VPS4B: variants seen among roughly 807,000 people sequenced by gnomAD.
VPS4B encodes vacuolar protein sorting-associated protein 4B.
In VPS4B, 23 loss-of-function variants were observed where a neutral mutation model predicts 56.1. That is an observed-to-expected ratio of 0.41 (90% CI 0.30 to 0.58). The LOEUF is 0.58. VPS4B is among the 20% of genes least tolerant of loss of function. The pLI is 0.29. For missense variants in VPS4B, 372 were observed against 531.9 expected, an observed-to-expected ratio of 0.70 and a Z score of 2.96; for synonymous variants, 177 against 186.0, an observed-to-expected ratio of 0.95 and a Z score of 0.39.
At chr18:63,403,582 C>G (rs1915857060) in intron 5 of VPS4B, 125 bp downstream of exon 5, 1 of 1,058,216 alleles carries the variant, frequency 9.4e-7, no homozygotes, top group Non-Finnish European at 1.3e-6. Flanking sequence ...AGATATATCA[C>G]CACCTTTTAA....
rs1916230010 is a variant in VPS4B at position 63,418,898 on chromosome 18, C to G, written c.27+3335G>C. ...TTATTTCCAGCCTAGTCCACTCTCC[C>G]TACTTCTACACATATGTATGCAAAT... On this transcript the variant is annotated intron_variant, in intron 1 of 10. Coordinates refer to ENST00000238497, the MANE Select transcript of VPS4B (RefSeq NM_004869.4). Among the ~76,000 whole-genome samples the G allele has an allele frequency of 3.3e-5, 5 of 152,176 alleles. No homozygotes were observed. In the South Asian group the frequency reaches 1.0e-3, roughly 31 times the overall value.
At chr18:63,421,529 G>A (rs9955737) in intron 1 of VPS4B, among the ~76,000 whole-genome samples, 3,985 of 152,286 alleles carry the variant, frequency 0.026, 169 homozygotes, top group African/African-American at 0.092. Context: ...GGGGATGGGA[G>A]ACACCATTAC....
intron 1 of VPS4B, chr18:63,415,541 G>T: frequency 3.5e-6 from 1 of 289,056 alleles, no homozygotes. Flanking sequence ...TTCAGAGAAT[G>T]GATCTTCAAA....
chr18:63,397,323 C>T, intron 8 of VPS4B, 70 bp from the exon 9 acceptor site: 1 of 1,423,332 alleles, frequency 7.0e-7, no homozygotes, highest in Non-Finnish European at 9.4e-7. Flanking sequence ...GAAACAGATA[C>T]TAAGTTAAGT....
intron 9 of VPS4B, among the ~76,000 whole-genome samples, chr18:63,393,761 G>A (rs1175071401): frequency 2.0e-5 from 3 of 151,548 alleles, no homozygotes; most frequent in African/African-American, 7.3e-5. Flanking sequence ...TTTTTGAAAG[G>A]GCGTCTTGCT....
At position 63,422,251 on chromosome 18, in the gene VPS4B, G is replaced by A. The variant is rs1449383078; in HGVS notation, c.9C>T (p.Ser3=). 2.0e-6 allele frequency: 3 copies of A among 1,512,996 alleles called. No individual in the cohort carries two copies. Among genetic ancestry groups the A allele is most frequent in the Non-Finnish European group, 2.7e-6 (3 of 1,129,162 alleles). 93.7% of individuals were successfully genotyped at this position (1,512,996 alleles called of 1,614,324 possible). ...ATGATACCTGGAGGTTGGGCGAAGT[G>A]GATGACATGGCGGAGTTCCCAGGCG... MS[S]TSPNLQKAID... is the part of the protein sequence containing the mutation. Residue 3 remains serine, a synonymous_variant, in exon 1 of 11, where the codon TCC becomes TCT. Transcript: ENST00000238497.
intron 6 of VPS4B, 25 bp from the exon 7 acceptor site, chr18:63,400,221 G>C (rs1386278031): frequency 6.4e-7 from 1 of 1,572,866 alleles, no homozygotes; most frequent in East Asian, 2.3e-5. Context: ...AAACTTTTAA[G>C]TCTCTAAAAA....
rs1387258944 is a variant in VPS4B, at chr18:63,397,043, A to G, written c.1083T>C (p.His361=). ...GATAAAAATGACTTACCTTTTTAAA[A>G]TGAGTAGCTGACTGTACTTTCCTAA... ...QPVRKVQSAT[H]FKKVRGPSRA... The change falls in exon 9 of 11, where the codon CAT becomes CAC. Residue 361 remains histidine (H), a synonymous_variant. Coordinates refer to ENST00000238497, the MANE Select transcript of VPS4B (RefSeq NM_004869.4). 1.9e-6 allele frequency: 3 copies of G among 1,613,836 alleles called. No homozygotes were observed. Among genetic ancestry groups the G allele is most frequent in the Non-Finnish European group, 1.7e-6 (2 of 1,179,968 alleles).
At chr18:63,419,845 T>C (rs1240317547) in intron 1 of VPS4B, among the ~76,000 whole-genome samples, 1 of 152,234 alleles carries the variant, frequency 6.6e-6, no homozygotes, top group Non-Finnish European at 1.5e-5. Flanking sequence ...AAGTGGAGAA[T>C]ACTGTGCAGC....
rs144623221 is a variant in VPS4B at position 63,391,850 on chromosome 18, C to T, written c.1234-774G>A. Among the ~76,000 whole-genome samples the T allele has an allele frequency of 7.6e-4, 115 of 152,080 alleles. 1 individual carries two copies. Among genetic ancestry groups the T allele is most frequent in the African/African-American group, 2.4e-3 (101 of 41,476 alleles). The stretch of plus-strand genomic sequence containing the variant: ...TAAAATAATTAGTTACAATTAAGAT[C>T]GAAATGGTTAGAAAAATATGCTAAT... On this transcript the variant is annotated intron_variant, in intron 10 of 10. Coordinates refer to ENST00000238497, the MANE Select transcript of VPS4B (RefSeq NM_004869.4).
rs1568081696 is a variant in VPS4B, at chr18:63,390,931, TGAAA to T, written c.*40_*43del. ...CGATCCAAATAGACAAAAATATCTA[TGAAA>T]GAAAGAATACATATGGTAAGCATCT... On this transcript the variant is annotated 3_prime_UTR_variant, in exon 11 of 11. Transcript: ENST00000238497. 3 of 1,353,798 alleles carry T rather than the reference TGAAA, an allele frequency of 2.2e-6. No individual in the cohort carries two copies. In the Admixed American group the frequency reaches 5.6e-5, roughly 25 times the overall value. The allele number at this position is 1,353,798 out of a possible 1,614,324, so 83.9% of individuals were successfully genotyped here.
At chr18:63,418,759 C>T (rs1183284734) in intron 1 of VPS4B, among the ~76,000 whole-genome samples, 5 of 152,134 alleles carry the variant, frequency 3.3e-5, no homozygotes, top group African/African-American at 1.2e-4. Context: ...CCTTAACTGT[C>T]GCTAATCCAT....
At chr18:63,411,622 A>G in intron 1 of VPS4B, 44 bp from the exon 2 acceptor site, 1 of 1,415,342 alleles carries the variant, frequency 7.1e-7, no homozygotes, top group South Asian at 1.5e-5. Context: ...TCAAAGCATA[A>G]ACATAAATTT....
intron 1 of VPS4B, among the ~76,000 whole-genome samples, chr18:63,412,281 T>G (rs1380701157): frequency 6.6e-6 from 1 of 152,178 alleles, no homozygotes; most frequent in East Asian, 1.9e-4. Flanking sequence ...GGACACAACT[T>G]TTTATATGTA....
intron 4 of VPS4B, among the ~76,000 whole-genome samples, chr18:63,406,816 G>C (rs375732779): frequency 6.6e-6 from 1 of 152,196 alleles, no homozygotes; most frequent in East Asian, 1.9e-4. Flanking sequence ...CCCACAATTA[G>C]AAAGTTCTAA....
At chr18:63,391,183 T>C (rs561724351) in intron 10 of VPS4B, 107 bp from the exon 11 acceptor site, 17 of 734,754 alleles carry the variant, frequency 2.3e-5, no homozygotes, top group Middle Eastern at 3.1e-4. Flanking sequence ...AGTTTAAATA[T>C]GAATATTTGC....
At position 63,403,768 on chromosome 18, in the gene VPS4B, T is replaced by A. The variant is rs1307351010; in HGVS notation, c.423A>T (p.Gly141=). The A allele has an allele frequency of 6.2e-7, 1 of 1,613,622 alleles. No individual in the cohort carries two copies. Among genetic ancestry groups the A allele is most frequent in the Non-Finnish European group, 8.5e-7 (1 of 1,179,730 alleles). The change falls in exon 5 of 11, where the codon GGA becomes GGT. Residue 141 remains glycine (G), a synonymous_variant. Coordinates refer to ENST00000238497, the MANE Select transcript of VPS4B (RefSeq NM_004869.4). ...VKWSDVAGLE[G]AKEALKEAVI... Reference sequence around the variant, plus strand: ...CAGCCTCTTTCAGTGCTTCTTTGGCTCCTTCAAGTCCAGCAACGTCACTCC... The same window carrying A: ...CAGCCTCTTTCAGTGCTTCTTTGGCACCTTCAAGTCCAGCAACGTCACTCC...
chr18:63,418,762 T>A (rs1916226455), intron 1 of VPS4B, among the ~76,000 whole-genome samples: 1 of 152,206 alleles, frequency 6.6e-6, no homozygotes, highest in South Asian at 2.1e-4. Context: ...TAACTGTCGC[T>A]AATCCATAGA....
chr18:63,412,578 T>C (rs1056451545), intron 1 of VPS4B, among the ~76,000 whole-genome samples: 2 of 152,196 alleles, frequency 1.3e-5, no homozygotes, highest in Admixed American at 6.5e-5. Flanking sequence ...CTAGAGGAAC[T>C]AGACATCCAT....
Sources: allele counts gnomAD v4.1 joint callset (sites outside exome capture counted in the v4.1 genomes callset), GRCh38; gene constraint gnomAD v4.1.1; transcripts MANE v1.5; gene names NCBI Gene and HGNC (gene_info 2026-07-23, HGNC 2026-07-21).